ZNF385D: variants seen among roughly 807,000 people sequenced by gnomAD.
ZNF385D encodes zinc finger protein 659.
In ZNF385D, 15 loss-of-function variants were observed where a neutral mutation model predicts 35.8. The ratio of observed to expected loss-of-function variants is 0.42; its 90% CI spans 0.28 to 0.64. ZNF385D has a LOEUF of 0.64. Ranked by LOEUF, ZNF385D falls within the 30% of genes least tolerant of loss-of-function variation. The probability of loss-of-function intolerance (pLI) is 0.23; values close to 1 mark genes in which losing one functional copy is unlikely to be tolerated. For synonymous variants in ZNF385D, 212 were observed against 186.8 expected, an observed-to-expected ratio of 1.13 and a Z score of -1.10; for missense variants, 474 against 494.6, an observed-to-expected ratio of 0.96 and a Z score of 0.39.
At chr3:21,943,839 T>C (rs1159362312) in intron 3 of ZNF385D, among the ~76,000 whole-genome samples, 4 of 152,186 alleles carry the variant, frequency 2.6e-5, no homozygotes, top group Non-Finnish European at 2.9e-5. Context: ...CTGATGCATT[T>C]TGTTGCATAT....
At chr3:22,139,549 G>T (rs1704365018) in intron 3 of ZNF385D, among the ~76,000 whole-genome samples, 1 of 151,788 alleles carries the variant, frequency 6.6e-6, no homozygotes, top group Admixed American at 6.6e-5. Context: ...CTCACTCATA[G>T]GTGGGAATTG....
In ZNF385D at chr3:21,949,534, TTTCC is replaced by T. The variant is rs1380812960; in HGVS notation, c.325+219279_325+219282del. On this transcript the variant is annotated intron_variant, in intron 3 of 5. Coordinates refer to the ZNF385D transcript ENST00000494108. ...CCTTCATCTCCATGCCCCTATTTTC[TTTCC>T]TTCTTTTCTTTCTTTCTTTTTTTTT... is the stretch of plus-strand genomic sequence containing the variant. 4.6e-3 allele frequency among the ~76,000 whole-genome samples: 164 copies of T among 35,450 alleles called. 3 individuals are homozygous for T. Among genetic ancestry groups the T allele is most frequent in the East Asian group, 0.04 (43 of 1,088 alleles). The allele number at this position is 35,450 out of a possible 152,430, so 23.3% of individuals were successfully genotyped here.
At chr3:21,719,178 T>C (rs1253411516) in intron 1 of ZNF385D, among the ~76,000 whole-genome samples, 1 of 152,202 alleles carries the variant, frequency 6.6e-6, no homozygotes, top group African/African-American at 2.4e-5. Context: ...GGGCAAAACC[T>C]GGGGGCTTCT....
At chr3:21,922,559 T>C (rs371519868) in intron 3 of ZNF385D, among the ~76,000 whole-genome samples, 2 of 152,170 alleles carry the variant, frequency 1.3e-5, no homozygotes, top group African/African-American at 2.4e-5. Flanking sequence ...ATTCAATAAA[T>C]TGTGTTGAGA....
chr3:21,808,499 T>C (rs922650260), intron 3 of ZNF385D, among the ~76,000 whole-genome samples: 1 of 152,168 alleles, frequency 6.6e-6, no homozygotes, highest in African/African-American at 2.4e-5. Flanking sequence ...CCACTGGGCA[T>C]GGCCATTGCA....
chr3:22,251,351 T>C (rs1205962535), intron 2 of ZNF385D, among the ~76,000 whole-genome samples: 5 of 152,162 alleles, frequency 3.3e-5, no homozygotes, highest in African/African-American at 7.2e-5. Context: ...AGTATTTCTA[T>C]GGTAATGGTT....
intron 3 of ZNF385D, among the ~76,000 whole-genome samples, chr3:21,777,272 A>G (rs995318576): frequency 1.3e-5 from 2 of 151,980 alleles, no homozygotes. Context: ...ACTCATTTTC[A>G]TCACATCAGC....
chr3:21,603,091 A>C (rs932622126), intron 2 of ZNF385D, among the ~76,000 whole-genome samples: 1 of 152,222 alleles, frequency 6.6e-6, no homozygotes, highest in Non-Finnish European at 1.5e-5. Flanking sequence ...CATCAAGTTT[A>C]TTTACCAAAA....
chr3:21,628,644 C>A (rs548495649), intron 2 of ZNF385D, among the ~76,000 whole-genome samples: 4 of 152,184 alleles, frequency 2.6e-5, no homozygotes, highest in African/African-American at 9.6e-5. Flanking sequence ...TGCCTGGCTG[C>A]CAGCAGTGGA....
At position 21,882,623 on chromosome 3, in the gene ZNF385D, G is replaced by C. The variant is rs150976326; in HGVS notation, c.326-217595C>G. On this transcript the variant is annotated intron_variant, in intron 3 of 5. Transcript: ENST00000494108. ...GTACAGAAGCTTGGGAAACATCCCA[G>C]AACTTGTAAATCAAAATTTGCATTT... Among the ~76,000 whole-genome samples, 4 of 152,062 alleles carry C rather than the reference G, an allele frequency of 2.6e-5. No individual in the cohort carries two copies. In the East Asian group the frequency reaches 7.7e-4, roughly 29 times the overall value.
chr3:21,868,599 C>A (rs1019371924), intron 3 of ZNF385D, among the ~76,000 whole-genome samples: 1 of 152,096 alleles, frequency 6.6e-6, no homozygotes, highest in Non-Finnish European at 1.5e-5. Flanking sequence ...CCATATCTAC[C>A]AGTTTAATGT....
At chr3:21,564,026 G>GTCTT (rs777823885) in intron 3 of ZNF385D, among the ~76,000 whole-genome samples, 3 of 152,138 alleles carry the variant, frequency 2.0e-5, no homozygotes, top group Non-Finnish European at 4.4e-5. Flanking sequence ...CTCCACTGAA[G>GTCTT]TCTTTTGGGG....
intron 3 of ZNF385D, among the ~76,000 whole-genome samples, chr3:22,093,240 C>A (rs1488598611): frequency 6.6e-6 from 1 of 151,958 alleles, no homozygotes; most frequent in Non-Finnish European, 1.5e-5. Flanking sequence ...AGAAATAAAA[C>A]ATTTTTTAGA....
At chr3:21,723,310 T>C (rs1017953368) in intron 1 of ZNF385D, among the ~76,000 whole-genome samples, 2 of 152,106 alleles carry the variant, frequency 1.3e-5, no homozygotes, top group African/African-American at 2.4e-5. Context: ...GTTTGACAAA[T>C]TGACCGAAGT....
At chr3:22,202,280 A>G (rs1416019848) in intron 2 of ZNF385D, among the ~76,000 whole-genome samples, 1 of 152,072 alleles carries the variant, frequency 6.6e-6, no homozygotes, top group African/African-American at 2.4e-5. Flanking sequence ...CTGACATTGT[A>G]AAAGGTCTTT....
At chr3:21,784,508 T>C (rs1455954623) in intron 3 of ZNF385D, among the ~76,000 whole-genome samples, 1 of 152,086 alleles carries the variant, frequency 6.6e-6, no homozygotes, top group East Asian at 1.9e-4. Flanking sequence ...GTTACACTAA[T>C]ATATATTTAG....
At chr3:21,965,615 T>A (rs555888) in intron 3 of ZNF385D, among the ~76,000 whole-genome samples, 1 of 152,048 alleles carries the variant, frequency 6.6e-6, no homozygotes, top group Non-Finnish European at 1.5e-5. Context: ...TGAGTCTAGA[T>A]TGGATTCTGG....
chr3:21,434,661 A>G (rs1701464222), intron 5 of ZNF385D, among the ~76,000 whole-genome samples: 1 of 152,170 alleles, frequency 6.6e-6, no homozygotes, highest in Non-Finnish European at 1.5e-5. Flanking sequence ...GTCAAACAGC[A>G]ACTATTTATG....
chr3:21,813,146 G>T lies in ZNF385D; in HGVS notation c.326-148118C>A, dbSNP rs142161610. On this transcript the variant is annotated intron_variant, in intron 3 of 5. Transcript: ENST00000494108. ...CAGCTGAGGGTCCTGACTGTTAGAA[G>T]GAAAACTAACAAACAGAAAGGACAT... 9.0e-3 allele frequency among the ~76,000 whole-genome samples: 1,365 copies of T among 152,246 alleles called. 18 individuals are homozygous for T. Among genetic ancestry groups the T allele is most frequent in the African/African-American group, 0.031 (1,293 of 41,536 alleles).
Sources: allele counts gnomAD v4.1 joint callset (sites outside exome capture counted in the v4.1 genomes callset), GRCh38; gene constraint gnomAD v4.1.1; transcripts MANE v1.5; gene names NCBI Gene and HGNC (gene_info 2026-07-23, HGNC 2026-07-21).